Variants in MYLK observed in about 807,000 individuals in gnomAD.
MYLK encodes myosin light chain kinase, also known as myosin light chain kinase, smooth muscle.
Under a neutral mutation model 203.4 loss-of-function variants are expected in MYLK, and 106 were observed. The observed-to-expected ratio is 0.52, with a 90% CI of 0.45 to 0.61. The LOEUF (loss-of-function observed/expected upper bound fraction) is 0.61, where lower values mean the gene tolerates loss of function less well. MYLK is among the 20% of genes least tolerant of loss of function. The pLI is 0.00. For missense variants in MYLK, 2,072 were observed against 2,442.3 expected (o/e 0.85, Z 3.20); for synonymous variants, 867 against 959.5 (o/e 0.90, Z 1.78).
At chr3:123,749,896 C>T (rs570556581) in intron 5 of MYLK, among the ~76,000 whole-genome samples, 71 of 152,360 alleles carry the variant, frequency 4.7e-4, no homozygotes, top group Non-Finnish European at 6.8e-4. Context: ...TTACAAAACT[C>T]CACATATGAA....
intron 5 of MYLK, among the ~76,000 whole-genome samples, chr3:123,744,675 G>T (rs935290518): frequency 8.5e-5 from 13 of 152,166 alleles, no homozygotes; most frequent in Non-Finnish European, 1.9e-4. Flanking sequence ...CACATTCAGT[G>T]AATGGTTTTG....
chr3:123,687,832 C>T (rs1162825040), intron 19 of MYLK, among the ~76,000 whole-genome samples: 1 of 152,082 alleles, frequency 6.6e-6, no homozygotes, highest in Non-Finnish European at 1.5e-5. Flanking sequence ...CCACAGCATC[C>T]AGGCAACTTT....
chr3:123,804,955 A>C (rs1428436312), intron 3 of MYLK, among the ~76,000 whole-genome samples: 1 of 152,088 alleles, frequency 6.6e-6, no homozygotes, highest in African/African-American at 2.4e-5. Flanking sequence ...AGGGAGCAGG[A>C]AGCACTGCTG....
intron 19 of MYLK, among the ~76,000 whole-genome samples, chr3:123,683,328 G>T (rs1322503120): frequency 6.6e-6 from 1 of 152,050 alleles, no homozygotes; most frequent in Admixed American, 6.5e-5. Context: ...CAGAGGCTCC[G>T]CCACATTCCT....
In MYLK at chr3:123,648,629, C is replaced by T. The variant is rs1028809302; in HGVS notation, c.4415+342G>A. 6.6e-6 allele frequency among the ~76,000 whole-genome samples: 1 copy of T among 152,132 alleles called. No homozygotes were observed. Among genetic ancestry groups the T allele is most frequent in the Non-Finnish European group, 1.5e-5 (1 of 68,032 alleles). ...TAGCTCTTCTCCCTAATGTTCTGCT[C>T]CCCGCACCCCCTGCTCTCCCCTGAC... On this transcript the variant is annotated intron_variant, in intron 26 of 33. Transcript: ENST00000360304. This position sits in a 1 kb window ranked among gnomAD's most constrained non-coding sequence, Gnocchi z 4.5.
intron 12 of MYLK, 130 bp downstream of exon 12, chr3:123,725,814 T>C (rs2062258460): frequency 7.3e-7 from 1 of 1,376,668 alleles, no homozygotes; most frequent in Non-Finnish European, 9.9e-7. Context: ...GCTCTCTTTG[T>C]GCCCTGTGCT....
intron 3 of MYLK, among the ~76,000 whole-genome samples, chr3:123,817,439 G>A (rs2065786140): frequency 6.6e-6 from 1 of 152,104 alleles, no homozygotes; most frequent in Non-Finnish European, 1.5e-5. Context: ...CCTGCCCAGG[G>A]TTCCCCTCTG....
At chr3:123,698,325 G>A (rs1205351074) in intron 18 of MYLK, among the ~76,000 whole-genome samples, 1 of 152,152 alleles carries the variant, frequency 6.6e-6, no homozygotes, top group Admixed American at 6.5e-5. Flanking sequence ...GGCCATGCAG[G>A]GACCACAGAT....
At position 123,664,174 on chromosome 3, in the gene MYLK, C is replaced by T. The variant is rs755117377; in HGVS notation, c.3916G>A (p.Gly1306Ser). ...TILAARQEHC[G>S]CYTLLVENKL... is the part of the protein sequence containing the mutation. ...TTCTCCACCAGCAGTGTGTAGCAGCCGCAGTGCTCCTGGCGCGCGGCCAGG... is the reference window on the plus strand; with the variant it reads ...TTCTCCACCAGCAGTGTGTAGCAGCTGCAGTGCTCCTGGCGCGCGGCCAGG... The change falls in exon 23 of 34, where the codon GGC becomes AGC. Residue 1306 changes from glycine to serine, a missense_variant. Transcript: ENST00000360304. The T allele has an allele frequency of 1.2e-5, 20 of 1,614,034 alleles. No individual in the cohort carries two copies. The highest frequency in any genetic ancestry group is 1.0e-4 in the Admixed American group (6 of 60,008).
At chr3:123,758,054 A>C (rs1289163514) in intron 4 of MYLK, among the ~76,000 whole-genome samples, 1 of 137,396 alleles carries the variant, frequency 7.3e-6, no homozygotes, top group Non-Finnish European at 1.5e-5. Flanking sequence ...TGGTTGCACA[A>C]AAAAAAAAAA....
Position 123,700,787 on chromosome 3 carries a change from T to C in MYLK, c.2681A>G (p.Gln894Arg). 5.0e-6 allele frequency: 8 copies of C among 1,614,260 alleles called. No homozygotes were observed. Among genetic ancestry groups the C allele is most frequent in the Non-Finnish European group, 5.9e-6 (7 of 1,180,044 alleles). ...CCCCAGGAGGTCTCGGAAGTCCAGCTGCTCCACCTCCTGCTGGCGGATCGC... is the reference window on the plus strand; with the variant it reads ...CCCCAGGAGGTCTCGGAAGTCCAGCCGCTCCACCTCCTGCTGGCGGATCGC... ...EEAIRQQEVE[Q>R]LDFRDLLGKK... Residue 894 changes from glutamine (Q) to arginine (R), a missense_variant, in exon 18 of 34, where the codon CAG becomes CGG. Gln to Arg is a conservative substitution (Grantham distance 43). Transcript: ENST00000360304.
At chr3:123,808,960 C>A (rs2065462408) in intron 3 of MYLK, among the ~76,000 whole-genome samples, 1 of 152,176 alleles carries the variant, frequency 6.6e-6, no homozygotes, top group Non-Finnish European at 1.5e-5. Flanking sequence ...AGGCTTCAGA[C>A]CCTTGGTGAC....
intron 1 of MYLK, among the ~76,000 whole-genome samples, chr3:123,881,319 T>C (rs893627582): frequency 2.0e-5 from 3 of 152,138 alleles, no homozygotes; most frequent in Admixed American, 1.3e-4. Context: ...TCCATGCAAA[T>C]GGCCCTGCCT....
chr3:123,644,449 G>A (rs1361756439), intron 27 of MYLK: 1 of 152,194 alleles, frequency 6.6e-6, no homozygotes, highest in African/African-American at 2.4e-5. Flanking sequence ...GTGGAGGGAT[G>A]AAAGCCAGAC....
At chr3:123,842,270 T>C (rs1018257396) in intron 2 of MYLK, among the ~76,000 whole-genome samples, 2 of 152,032 alleles carry the variant, frequency 1.3e-5, no homozygotes, top group Non-Finnish European at 2.9e-5. Flanking sequence ...TTTAATATAA[T>C]TAATCAGAAA....
chr3:123,620,283 G>A lies in MYLK; in HGVS notation c.5292C>T (p.Ile1764=). 6.2e-7 allele frequency: 1 copy of A among 1,614,182 alleles called. No individual in the cohort carries two copies. Among genetic ancestry groups the A allele is most frequent in the Non-Finnish European group, 8.5e-7 (1 of 1,180,024 alleles). ...AIGRLSSMAM[I]SGLSGRKSST... is the part of the protein sequence containing the mutation. The stretch of plus-strand genomic sequence containing the variant: ...AGGATTTCCTGCCACTGAGCCCTGA[G>A]ATCATTGCCATAGAGGACAGTCTTC... Residue 1764 remains isoleucine (I), a synonymous_variant, in exon 32 of 34, where the codon ATC becomes ATT. Transcript: ENST00000360304.
chr3:123,669,460 T>C (rs138096440), intron 20 of MYLK, among the ~76,000 whole-genome samples: 2 of 151,806 alleles, frequency 1.3e-5, no homozygotes, highest in Non-Finnish European at 2.9e-5. Context: ...AGGACATTTA[T>C]AGGATAACTG....
chr3:123,834,060 T>C (rs1043944842), intron 2 of MYLK, among the ~76,000 whole-genome samples: 2 of 152,178 alleles, frequency 1.3e-5, no homozygotes, highest in South Asian at 4.1e-4. Context: ...TTTTTGTTTC[T>C]TGGAGACAGA....
chr3:123,687,616 A>ATTCCTTCCTTCCTTTCCTTCCTTCCCTCC (rs1553797381), intron 19 of MYLK, among the ~76,000 whole-genome samples: 1,743 of 148,038 alleles, frequency 0.012, 63 homozygotes, highest in African/African-American at 0.035. Flanking sequence ...TCCTACCTTC[A>ATTCCTTCCTTCCTTTCCTTCCTTCCCTCC]TTCCTTCCTT....
Sources: allele counts gnomAD v4.1 joint callset (sites outside exome capture counted in the v4.1 genomes callset), GRCh38; gene constraint gnomAD v4.1.1; non-coding constraint Gnocchi (gnomAD v3.1); transcripts MANE v1.5; gene names NCBI Gene and HGNC (gene_info 2026-07-23, HGNC 2026-07-21).